Variants in ITGA1 observed in about 807,000 individuals in gnomAD.
ITGA1 encodes the protein integrin subunit alpha 1.
A neutral mutation model predicts 145.9 loss-of-function variants in ITGA1; 85 were observed. The ratio of observed to expected loss-of-function variants is 0.58; its 90% CI spans 0.49 to 0.70. The LOEUF (loss-of-function observed/expected upper bound fraction) is 0.70, where lower values mean the gene tolerates loss of function less well. Ranked by LOEUF, ITGA1 falls within the 30% of genes least tolerant of loss-of-function variation. ITGA1 has a pLI of 0.00. For synonymous variants in ITGA1, 520 were observed against 495.3 expected (o/e 1.05, Z -0.66); for missense variants, 1,351 against 1,418.7 (o/e 0.95, Z 0.77).
rs1212508310 is a variant in ITGA1 at position 52,956,018 on chromosome 5, A to G, written c.*3567A>G. On this transcript the variant is annotated 3_prime_UTR_variant, in exon 29 of 29. Transcript: ENST00000282588. ...AGATATTCTCTTTTCCTTTTATAAA[A>G]TCAAAGTCTAGGCTCAATTGGAAAA... 1 of 152,118 alleles carries G rather than the reference A, an allele frequency of 6.6e-6. No individual in the cohort carries two copies. The highest frequency in any genetic ancestry group is 6.6e-5 in the Admixed American group (1 of 15,264). 9.4% of individuals were successfully genotyped at this position (152,118 alleles called of 1,614,324 possible).
chr5:52,938,785 C>T (rs1871186), intron 24 of ITGA1, among the ~76,000 whole-genome samples: 107,754 of 152,054 alleles, frequency 0.71, 38,751 homozygotes, highest in African/African-American at 0.81. Context: ...ACTGAGTGTC[C>T]TATCCTTGGT....
chr5:52,893,755 T>G lies in ITGA1; in HGVS notation c.1005T>G (p.Thr335=). Residue 335 remains threonine, a synonymous_variant, in exon 9 of 29, where the codon ACT becomes ACG. Transcript: ENST00000282588. ...TAAAATCAATTGCAAGTGAACCCAC[T>G]GAAAAGCATTTCTTCAATGTCTCTG... The part of the protein sequence containing the change: ...EEIKSIASEP[T]EKHFFNVSDE... The G allele has an allele frequency of 6.2e-7, 1 of 1,613,008 alleles. No homozygotes were observed. The highest frequency in any genetic ancestry group is 2.2e-5 in the East Asian group (1 of 44,808).
chr5:52,861,119 T>C (rs1450136992), intron 2 of ITGA1, among the ~76,000 whole-genome samples: 3 of 152,056 alleles, frequency 2.0e-5, no homozygotes, highest in Admixed American at 2.0e-4. Flanking sequence ...ATAAACAAAA[T>C]AATAAAGCAA....
chr5:52,833,987 A>T (rs1213110634), intron 1 of ITGA1, among the ~76,000 whole-genome samples: 1 of 152,240 alleles, frequency 6.6e-6, no homozygotes, highest in Non-Finnish European at 1.5e-5. Context: ...CATTCAACAA[A>T]TTTTATTAAA....
At chr5:52,801,455 G>T (rs1297837065) in intron 1 of ITGA1, 2 of 1,614,110 alleles carry the variant, frequency 1.2e-6, no homozygotes, top group Non-Finnish European at 1.7e-6. Flanking sequence ...GAGGCCCTTT[G>T]TGACCCTACT....
chr5:52,831,326 G>T (rs1245481432), intron 1 of ITGA1, among the ~76,000 whole-genome samples: 3 of 151,982 alleles, frequency 2.0e-5, no homozygotes, highest in Non-Finnish European at 4.4e-5. Context: ...TAGAGATGGG[G>T]TTTCACCATG....
At chr5:52,885,820 G>T (rs893170989) in intron 7 of ITGA1, among the ~76,000 whole-genome samples, 1 of 152,188 alleles carries the variant, frequency 6.6e-6, no homozygotes, top group African/African-American at 2.4e-5. Context: ...GTTCTGATTG[G>T]TAAAGTCTCT....
At chr5:52,836,584 G>T (rs558799538) in intron 1 of ITGA1, among the ~76,000 whole-genome samples, 1 of 152,012 alleles carries the variant, frequency 6.6e-6, no homozygotes, top group Non-Finnish European at 1.5e-5. Flanking sequence ...TCCGCCACTT[G>T]GTTGTTCATT....
At chr5:52,875,173 C>T (rs7735484) in intron 6 of ITGA1, among the ~76,000 whole-genome samples, 55,750 of 151,578 alleles carry the variant, frequency 0.37, 11,079 homozygotes, top group African/African-American at 0.51. Context: ...AGGAGTCTGC[C>T]GTAAAGATAT....
intron 28 of ITGA1, 146 bp downstream of exon 28, chr5:52,947,607 G>A: frequency 3.3e-6 from 2 of 600,114 alleles, no homozygotes; most frequent in Admixed American, 3.5e-5. Context: ...AAAGAAAAAA[G>A]AAAAATGCGT....
At chr5:52,853,384 T>C (rs1291197016) in intron 2 of ITGA1, among the ~76,000 whole-genome samples, 2 of 152,128 alleles carry the variant, frequency 1.3e-5, no homozygotes, top group Non-Finnish European at 2.9e-5. Context: ...ACAGAATAAT[T>C]GACATATTTG....
chr5:52,891,564 A>AG (rs1339779976), intron 8 of ITGA1, among the ~76,000 whole-genome samples: 1 of 151,238 alleles, frequency 6.6e-6, no homozygotes, highest in East Asian at 1.9e-4. Context: ...CTAAAAAAAA[A>AG]AAAAAAAAAA....
chr5:52,810,270 G>T (rs954372320), intron 1 of ITGA1, among the ~76,000 whole-genome samples: 2 of 152,200 alleles, frequency 1.3e-5, no homozygotes, highest in Non-Finnish European at 2.9e-5. Flanking sequence ...CTGAAGTCAG[G>T]AATAAAGAAG....
chr5:52,823,112 A>T (rs1422408811), intron 1 of ITGA1, among the ~76,000 whole-genome samples: 1 of 152,224 alleles, frequency 6.6e-6, no homozygotes, highest in Non-Finnish European at 1.5e-5. Flanking sequence ...GACTTTCCTG[A>T]CATCCTTCTG....
chr5:52,906,030 G>A (rs1750398481), intron 12 of ITGA1, 122 bp downstream of exon 12: 1 of 803,194 alleles, frequency 1.2e-6, no homozygotes, highest in South Asian at 2.1e-5. Flanking sequence ...TGGGAACAGG[G>A]CCCTGTGTTA....
At chr5:52,901,686 C>A (rs1750315627) in intron 11 of ITGA1, 1 of 152,084 alleles carries the variant, frequency 6.6e-6, no homozygotes, top group Non-Finnish European at 1.5e-5. Context: ...TCCCAAAAAC[C>A]TTTGGTTAAA....
intron 1 of ITGA1, among the ~76,000 whole-genome samples, chr5:52,818,969 G>A (rs1045015351): frequency 3.9e-5 from 6 of 152,116 alleles, no homozygotes; most frequent in African/African-American, 1.4e-4. Flanking sequence ...TCCTGTGTGA[G>A]TTAGATGACC....
chr5:52,922,914 A>C, intron 18 of ITGA1, 27 bp downstream of exon 18: 1 of 1,308,756 alleles, frequency 7.6e-7, no homozygotes. Flanking sequence ...TAAAATACAA[A>C]ATACCAACTT....
intron 1 of ITGA1, among the ~76,000 whole-genome samples, chr5:52,809,977 G>C (rs1748660336): frequency 6.6e-6 from 1 of 152,134 alleles, no homozygotes; most frequent in African/African-American, 2.4e-5. Context: ...ACAGACCAGG[G>C]ACCATGACTG....
Sources: gnomAD v4.1 joint callset for allele counts (sites outside exome capture counted in the v4.1 genomes callset) on GRCh38, gnomAD v4.1.1 for gene constraint, MANE v1.5 for transcripts, NCBI Gene and HGNC (gene_info 2026-07-23, HGNC 2026-07-21) for gene names.